Variants in NPC1 observed in about 807,000 individuals in gnomAD.
NPC1 encodes NPC intracellular cholesterol transporter 1.
Under a neutral mutation model 140.4 loss-of-function variants are expected in NPC1, and 85 were observed. That is an observed-to-expected ratio of 0.61 (90% CI 0.51 to 0.72). The LOEUF (loss-of-function observed/expected upper bound fraction) is 0.72, where lower values mean the gene tolerates loss of function less well. Ranked by LOEUF, NPC1 falls within the 30% of genes least tolerant of loss-of-function variation. The pLI is 0.00. For missense variants in NPC1, 1,504 were observed against 1,623.8 expected, an observed-to-expected ratio of 0.93 and a Z score of 1.27; for synonymous variants, 656 against 624.8, an observed-to-expected ratio of 1.05 and a Z score of -0.74.
intron 1 of NPC1, chr18:23,576,444 AAG>A (rs2059280701): frequency 1.0e-6 from 1 of 985,414 alleles, no homozygotes; most frequent in South Asian, 4.7e-5. Flanking sequence ...ATCCTGCCGA[AAG>A]AAGCAACCTA....
intron 10 of NPC1, among the ~76,000 whole-genome samples, chr18:23,548,903 G>C (rs1005634430): frequency 6.6e-6 from 1 of 152,018 alleles, no homozygotes; most frequent in African/African-American, 2.4e-5. Context: ...TAATCCTCCT[G>C]CCTCAGCCTC....
chr18:23,534,595 C>T, intron 22 of NPC1, 36 bp from the exon 23 acceptor site: 1 of 1,544,112 alleles, frequency 6.5e-7, no homozygotes, highest in Non-Finnish European at 8.9e-7. Context: ...TGGCTCTCTT[C>T]CTGTTGAAGA....
downstream of NPC1, chr18:23,527,666 A>ATT (rs2058345692): frequency 1.3e-5 from 9 of 688,456 alleles, no homozygotes; most frequent in East Asian, 2.9e-5. Context: ...TCTTTAAAGT[A>ATT]GAGTGTCCTT....
intron 1 of NPC1, chr18:23,524,094 A>G (rs1240256187): frequency 6.2e-6 from 10 of 1,610,110 alleles, no homozygotes; most frequent in Non-Finnish European, 8.5e-6. Flanking sequence ...GCATTTTCTG[A>G]CTGCATCGTT....
intron 9 of NPC1, among the ~76,000 whole-genome samples, chr18:23,551,994 A>T (rs1451440505): frequency 6.6e-6 from 1 of 152,198 alleles, no homozygotes; most frequent in African/African-American, 2.4e-5. Flanking sequence ...GCAAACACTA[A>T]AAGGCAAAAT....
At chr18:23,570,367 G>T (rs896199617) in intron 3 of NPC1, among the ~76,000 whole-genome samples, 1 of 152,132 alleles carries the variant, frequency 6.6e-6, no homozygotes, top group Admixed American at 6.5e-5. Context: ...CTCACCTACG[G>T]TGGATCCTAA....
At chr18:23,568,241 T>C (rs2059154206) in intron 4 of NPC1, among the ~76,000 whole-genome samples, 1 of 152,126 alleles carries the variant, frequency 6.6e-6, no homozygotes. Flanking sequence ...TTCAGTCAGG[T>C]TGCCTTGTAT....
Position 23,531,856 on chromosome 18 carries a change from A to T in NPC1, c.*346T>A. ...AGAACTTGTGGGATGGCTTACTCCT[A>T]AAAGGAGAGACAGACAGTGCATTGA... On this transcript the variant is annotated 3_prime_UTR_variant, in exon 25 of 25. Transcript: ENST00000269228. The T allele has an allele frequency of 6.9e-7, 1 of 1,452,906 alleles. No homozygotes were observed. Among genetic ancestry groups the T allele is most frequent in the South Asian group, 1.5e-5 (1 of 68,350 alleles). The allele number at this position is 1,452,906 out of a possible 1,614,324, so 90.0% of individuals were successfully genotyped here.
At chr18:23,517,104 C>A (rs1203737759) in intron 3 of NPC1, among the ~76,000 whole-genome samples, 1 of 151,476 alleles carries the variant, frequency 6.6e-6, no homozygotes, top group East Asian at 1.9e-4. Flanking sequence ...ATGTAACAGA[C>A]ATGGAACTAA....
intron 6 of NPC1, among the ~76,000 whole-genome samples, chr18:23,559,888 G>A (rs558861293): frequency 6.6e-6 from 1 of 152,240 alleles, no homozygotes; most frequent in South Asian, 2.1e-4. Context: ...AACCTGGGAG[G>A]TGGAGGTTGC....
chr18:23,531,807 C>T lies in NPC1; in HGVS notation c.*395G>A, dbSNP rs2145320858. The T allele has an allele frequency of 3.3e-6, 5 of 1,515,510 alleles. No individual in the cohort carries two copies. In the East Asian group the frequency reaches 7.0e-5, roughly 21 times the overall value. The allele number at this position is 1,515,510 out of a possible 1,614,324, so 93.9% of individuals were successfully genotyped here. On this transcript the variant is annotated 3_prime_UTR_variant, in exon 25 of 25. Coordinates refer to ENST00000269228, the MANE Select transcript of NPC1 (RefSeq NM_000271.5). ...ATGTTATAAAGTGTATCTACAACCT[C>T]AACTGTCACTAAAAATATGGTATAG... is the stretch of plus-strand genomic sequence containing the variant.
Position 23,543,719 on chromosome 18 carries a change from T to A in NPC1, c.2131-150A>T, listed in dbSNP as rs2145396141. ...AAGCATATAAACTTCGGTGGGGGAC[T>A]CCAATGTTCTCAGAGTATTTCTGCA... On this transcript the variant is annotated intron_variant, in intron 13 of 24. Transcript: ENST00000269228. The A allele has an allele frequency of 2.0e-5, 13 of 638,108 alleles. No homozygotes were observed. The South Asian group carries it at 2.2e-4, about 11-fold the overall frequency. 39.5% of individuals were successfully genotyped at this position (638,108 alleles called of 1,614,324 possible). A position where few individuals can be genotyped will look rare whatever the true frequency, so the allele number is the denominator to read the frequency against.
At chr18:23,563,045 TCCCTAAG>T (rs568340980) in intron 4 of NPC1, among the ~76,000 whole-genome samples, 187 of 152,282 alleles carry the variant, frequency 1.2e-3, no homozygotes, top group African/African-American at 4.2e-3. Flanking sequence ...CCTCCCTACT[TCCCTAAG>T]CCCTAAGCAA....
At chr18:23,583,657 A>G (rs1281546484) in intron 1 of NPC1, among the ~76,000 whole-genome samples, 1 of 151,914 alleles carries the variant, frequency 6.6e-6, no homozygotes, top group Non-Finnish European at 1.5e-5. Context: ...CATCCCTTTT[A>G]GGAGTGGAGG....
chr18:23,506,992 A>C, intron 3 of NPC1: 1 of 1,608,514 alleles, frequency 6.2e-7, no homozygotes. Flanking sequence ...AGGAGAAGTG[A>C]AGTGCATTAA....
Position 23,557,116 on chromosome 18 carries a change from C to T in NPC1, c.955+1G>A. ...TTTTATTCATGGACAAATATGCCTA[C>T]CTTTGTCACTTGCATTAACAGAAAA... On this transcript the variant is annotated splice_donor_variant, in intron 7 of 24. Coordinates refer to ENST00000269228, the MANE Select transcript of NPC1 (RefSeq NM_000271.5). LOFTEE classifies it high-confidence loss of function. 3 of 1,608,050 alleles carry T rather than the reference C, an allele frequency of 1.9e-6. No homozygotes were observed. Among genetic ancestry groups the T allele is most frequent in the Non-Finnish European group, 1.7e-6 (2 of 1,174,624 alleles).
chr18:23,554,807 C>T lies in NPC1; in HGVS notation c.1504G>A (p.Asp502Asn), dbSNP rs1416446081. The T allele has an allele frequency of 5.6e-6, 9 of 1,613,972 alleles. No individual in the cohort carries two copies. The highest frequency in any genetic ancestry group is 5.3e-5 in the African/African-American group (4 of 74,894). Residue 502 changes from aspartate (D) to asparagine (N), a missense_variant, in exon 9 of 25, where the codon GAC becomes AAC. By Grantham distance (23) the Asp-to-Asn change is conservative. Coordinates refer to ENST00000269228, the MANE Select transcript of NPC1 (RefSeq NM_000271.5). ...HSVLDHKKGD[D>N]FFVYADYHTH... ...TGGTAATCGGCATACACAAAGAAGT[C>T]GTCCCCTTTCTTGTGGTCCAGCACG...
chr18:23,550,316 T>C (rs1427197829), intron 10 of NPC1, among the ~76,000 whole-genome samples: 3 of 151,878 alleles, frequency 2.0e-5, no homozygotes, highest in African/African-American at 7.3e-5. Flanking sequence ...CCCAGTTTTG[T>C]TTTTTTAACT....
chr18:23,530,607 C>T (rs534209336), downstream of NPC1: 9 of 1,613,164 alleles, frequency 5.6e-6, no homozygotes, highest in East Asian at 8.9e-5. Flanking sequence ...CCCAATTTCA[C>T]ACCAGGTGAG....
Sources: gnomAD v4.1 joint callset for allele counts (sites outside exome capture counted in the v4.1 genomes callset) on GRCh38, gnomAD v4.1.1 for gene constraint, MANE v1.5 for transcripts, NCBI Gene and HGNC (gene_info 2026-07-23, HGNC 2026-07-21) for gene names.